Variants in KLHL1 observed in about 807,000 individuals in gnomAD.
KLHL1 encodes the protein kelch-like protein 1.
In KLHL1, 47 loss-of-function variants were observed where a neutral mutation model predicts 77.7. The ratio of observed to expected loss-of-function variants is 0.60; its 90% CI spans 0.48 to 0.77. KLHL1 has a LOEUF of 0.77. Ranked by LOEUF, KLHL1 falls within the 30% of genes least tolerant of loss-of-function variation. KLHL1 has a pLI of 0.00. For synonymous variants in KLHL1, 360 were observed against 325.2 expected, an observed-to-expected ratio of 1.11 and a Z score of -1.15; for missense variants, 925 against 910.8, an observed-to-expected ratio of 1.02 and a Z score of -0.20.
chr13:69,852,044 T>C (rs1488526488), intron 5 of KLHL1, among the ~76,000 whole-genome samples: 1 of 151,948 alleles, frequency 6.6e-6, no homozygotes, highest in Non-Finnish European at 1.5e-5. Context: ...GAAAAATTAT[T>C]GTAACATGCA....
At chr13:69,862,278 C>T (rs1386524162) in intron 5 of KLHL1, among the ~76,000 whole-genome samples, 12 of 151,360 alleles carry the variant, frequency 7.9e-5, no homozygotes, top group Admixed American at 7.3e-4. Context: ...ACTGTTTTTA[C>T]ACACACACAC....
chr13:69,920,669 T>C (rs1035029967), intron 4 of KLHL1, among the ~76,000 whole-genome samples: 4 of 151,226 alleles, frequency 2.6e-5, no homozygotes, highest in Non-Finnish European at 5.9e-5. Flanking sequence ...TTTATGCAGA[T>C]ATACCTTTTC....
intron 5 of KLHL1, among the ~76,000 whole-genome samples, chr13:69,856,101 T>C (rs1410578646): frequency 6.6e-6 from 1 of 151,618 alleles, no homozygotes; most frequent in Non-Finnish European, 1.5e-5. Flanking sequence ...TTCTGGACTA[T>C]CTTTTCAGGA....
chr13:69,901,161 T>A (rs919479947), intron 4 of KLHL1, among the ~76,000 whole-genome samples: 2 of 152,242 alleles, frequency 1.3e-5, no homozygotes, highest in African/African-American at 4.8e-5. Flanking sequence ...ACTGGTTAAA[T>A]GCAAAGACTT....
At chr13:69,935,284 G>GTTCACCTACTGGTGAACGTGGTC (rs1376755738) in intron 4 of KLHL1, among the ~76,000 whole-genome samples, 24 of 151,820 alleles carry the variant, frequency 1.6e-4, no homozygotes, top group Middle Eastern at 3.4e-3. Context: ...TTGGTACATA[G>GTTCACCTACTGGTGAACGTGGTC]CAGTCAATAG....
intron 8 of KLHL1, among the ~76,000 whole-genome samples, chr13:69,723,012 A>T (rs1176671643): frequency 1.3e-5 from 2 of 152,118 alleles, no homozygotes; most frequent in African/African-American, 4.8e-5. Flanking sequence ...ATAAACTCCT[A>T]ATATTTTCTA....
At chr13:70,046,241 A>G (rs923721285) in intron 1 of KLHL1, among the ~76,000 whole-genome samples, 1 of 152,150 alleles carries the variant, frequency 6.6e-6, no homozygotes, top group African/African-American at 2.4e-5. Context: ...TGTCATAAAG[A>G]GGAAGATGGG....
At chr13:69,758,717 T>G (rs2137961366) in intron 7 of KLHL1, among the ~76,000 whole-genome samples, 1 of 152,258 alleles carries the variant, frequency 6.6e-6, no homozygotes, top group South Asian at 2.1e-4. Flanking sequence ...TCGTAATTTT[T>G]TAAGAAAGCT....
In KLHL1 at chr13:69,796,940, A is replaced by C. The variant is rs2138038613; in HGVS notation, c.1437T>G (p.Tyr479Ter). ...NNKGATTIEK[Y>*]DLRTNLWIQA... The stretch of plus-strand genomic sequence containing the variant: ...GGATCCACAGATTTGTTCTCAGATC[A>C]TATTTCTCTATAGTTGTAGCTCCTG... Residue 479 changes from tyrosine (Y) to a stop codon, truncating the protein, a stop_gained, in exon 7 of 11, where the codon TAT becomes TAG. Coordinates refer to ENST00000377844, the MANE Select transcript of KLHL1 (RefSeq NM_020866.3). LOFTEE classifies it high-confidence loss of function. 6.2e-7 allele frequency: 1 copy of C among 1,614,092 alleles called. No individual in the cohort carries two copies. The highest frequency in any genetic ancestry group is 1.6e-4 in the Middle Eastern group (1 of 6,062).
rs1033866933 is a variant in KLHL1, at chr13:70,107,786, G to A, written c.-87C>T. 9.6e-7 allele frequency: 1 copy of A among 1,041,508 alleles called. No homozygotes were observed. Among genetic ancestry groups the A allele is most frequent in the South Asian group, 1.7e-5 (1 of 58,812 alleles). 64.5% of individuals were successfully genotyped at this position (1,041,508 alleles called of 1,614,324 possible). On this transcript the variant is annotated 5_prime_UTR_variant, in exon 1 of 11. Transcript: ENST00000377844. ...GGGGAGGACAGCGGGGCCCGGGGGCGGAGGAAGAGGCGGGATGCGCCCTCT... is the reference window on the plus strand; with the variant it reads ...GGGGAGGACAGCGGGGCCCGGGGGCAGAGGAAGAGGCGGGATGCGCCCTCT...
intron 5 of KLHL1, among the ~76,000 whole-genome samples, chr13:69,874,338 G>T (rs761595716): frequency 1.3e-5 from 2 of 151,938 alleles, no homozygotes; most frequent in Non-Finnish European, 2.9e-5. Context: ...GTTATGTTAT[G>T]TATTTAAATT....
At position 69,829,800 on chromosome 13, in the gene KLHL1, C is replaced by T. The variant is rs143254452; in HGVS notation, c.1414+9176G>A. ...AAACTATTGGGGTCTTATCTTTAGC[C>T]TCCTTAAACAAAACAATTATCGACC... On this transcript the variant is annotated intron_variant, in intron 6 of 10. Transcript: ENST00000377844. Among the ~76,000 whole-genome samples the T allele has an allele frequency of 6.3e-3, 947 of 150,160 alleles. 91 individuals carry two copies. The highest frequency in any genetic ancestry group is 0.022 in the African/African-American group (874 of 40,072).
At chr13:69,777,422 T>G (rs1353482376) in intron 7 of KLHL1, among the ~76,000 whole-genome samples, 3 of 152,172 alleles carry the variant, frequency 2.0e-5, no homozygotes, top group African/African-American at 7.2e-5. Flanking sequence ...ATTGAATTAT[T>G]ATCTTAAAGT....
intron 2 of KLHL1, 60 bp from the exon 3 acceptor site, chr13:69,961,504 A>G: frequency 1.3e-6 from 2 of 1,573,480 alleles, no homozygotes; most frequent in Non-Finnish European, 1.7e-6. Context: ...TCACTGTGTC[A>G]ACCAGAATGC....
At chr13:70,012,297 C>T (rs1390508289) in intron 1 of KLHL1, among the ~76,000 whole-genome samples, 5 of 152,162 alleles carry the variant, frequency 3.3e-5, no homozygotes, top group Non-Finnish European at 1.5e-5. Flanking sequence ...ATATTCCCTT[C>T]ACTATTTTCA....
At chr13:69,976,280 T>G (rs945417497) in intron 1 of KLHL1, among the ~76,000 whole-genome samples, 1 of 152,006 alleles carries the variant, frequency 6.6e-6, no homozygotes, top group African/African-American at 2.4e-5. Context: ...AAAACCTGGT[T>G]TTCAAGTAAT....
intron 1 of KLHL1, among the ~76,000 whole-genome samples, chr13:70,026,001 A>C (rs1885931793): frequency 6.6e-6 from 1 of 152,072 alleles, no homozygotes; most frequent in African/African-American, 2.4e-5. Flanking sequence ...CCTCACATTG[A>C]CCTTCCATTT....
At chr13:69,890,663 C>A (rs1397767857) in intron 4 of KLHL1, among the ~76,000 whole-genome samples, 1 of 151,822 alleles carries the variant, frequency 6.6e-6, no homozygotes, top group African/African-American at 2.4e-5. Flanking sequence ...CACACACACA[C>A]ACAGATATAT....
At chr13:69,721,620 A>G (rs1384090218) in intron 8 of KLHL1, among the ~76,000 whole-genome samples, 1 of 152,168 alleles carries the variant, frequency 6.6e-6, no homozygotes. Flanking sequence ...AAAATCAATC[A>G]GGATGTAGAT....
Sources: allele counts gnomAD v4.1 joint callset (sites outside exome capture counted in the v4.1 genomes callset), GRCh38; gene constraint gnomAD v4.1.1; transcripts MANE v1.5; gene names NCBI Gene and HGNC (gene_info 2026-07-23, HGNC 2026-07-21).